Variants in CDC14B observed in about 807,000 individuals in gnomAD.
CDC14B encodes cell division cycle 14B.
CDC14B carries 22 observed loss-of-function variants against 64.2 expected under a neutral mutation model. The ratio of observed to expected loss-of-function variants is 0.34; its 90% CI spans 0.24 to 0.49. The LOEUF (loss-of-function observed/expected upper bound fraction) is 0.49, where lower values mean the gene tolerates loss of function less well. CDC14B is among the 20% of genes least tolerant of loss of function. The pLI is 0.99. For synonymous variants in CDC14B, 191 were observed against 215.8 expected, an observed-to-expected ratio of 0.89 and a Z score of 1.01; for missense variants, 498 against 629.9, an observed-to-expected ratio of 0.79 and a Z score of 2.24.
intron 6 of CDC14B, among the ~76,000 whole-genome samples, chr9:96,540,538 T>C (rs1419745380): frequency 6.6e-6 from 1 of 151,512 alleles, no homozygotes; most frequent in Non-Finnish European, 1.5e-5. Context: ...ACCCAAAATA[T>C]AGTATGCAAA....
chr9:96,510,487 G>A (rs1834763236), intron 12 of CDC14B, among the ~76,000 whole-genome samples: 1 of 151,050 alleles, frequency 6.6e-6, no homozygotes, highest in Non-Finnish European at 1.5e-5. Context: ...AACATCCTGA[G>A]ATAAAGGCCA....
At chr9:96,588,380 T>C (rs149582212) in intron 1 of CDC14B, among the ~76,000 whole-genome samples, 11 of 152,204 alleles carry the variant, frequency 7.2e-5, no homozygotes, top group Admixed American at 5.2e-4. Flanking sequence ...TAAGAGAAAT[T>C]TGCTTATACT....
intron 1 of CDC14B, among the ~76,000 whole-genome samples, chr9:96,606,527 TTGTGTGTGTGTGTGTGTGTGTGTGTG>T (rs376059971): frequency 4.2e-4 from 47 of 112,854 alleles, no homozygotes; most frequent in African/African-American, 1.5e-3. Context: ...TACTAAAAGT[TTGTGTGTGTGTGTGTGTGTGTGTGTG>T]TGTGTGTGTG....
rs1285706109 is a variant in CDC14B, at chr9:96,500,373, TTGATCAATAC to T, written c.*3370_*3379del. On this transcript the variant is annotated 3_prime_UTR_variant, in exon 14 of 14. Transcript: ENST00000375241. ...CTGTAAAAAAAAATCAAGACAATGA[TTGATCAATAC>T]TGATCAGTTACATTTTAAAACTTTT... 33 of 152,656 alleles carry T rather than the reference TTGATCAATAC, an allele frequency of 2.2e-4. 1 individual carries two copies. The highest frequency in any genetic ancestry group is 2.2e-3 in the Admixed American group (33 of 15,284). 9.5% of individuals were successfully genotyped at this position (152,656 alleles called of 1,614,324 possible). A position where few individuals can be genotyped will look rare whatever the true frequency, so the allele number is the denominator to read the frequency against.
At chr9:96,557,022 C>T (rs1042773528) in intron 4 of CDC14B, among the ~76,000 whole-genome samples, 2 of 152,204 alleles carry the variant, frequency 1.3e-5, no homozygotes, top group Non-Finnish European at 2.9e-5. Flanking sequence ...GAAAGCTTAA[C>T]GGATCTGCAG....
chr9:96,510,372 CT>C (rs1834747319), intron 12 of CDC14B, among the ~76,000 whole-genome samples: 1 of 152,074 alleles, frequency 6.6e-6, no homozygotes, highest in Non-Finnish European at 1.5e-5. Flanking sequence ...AGTGAAAACA[CT>C]TAAATTTTGT....
chr9:96,567,903 C>T (rs966308000), intron 1 of CDC14B, among the ~76,000 whole-genome samples: 14 of 152,236 alleles, frequency 9.2e-5, no homozygotes, highest in Admixed American at 2.0e-4. Flanking sequence ...GCATTGCCTG[C>T]CTGTATCAAA....
rs762557055 is a variant in CDC14B at position 96,565,412 on chromosome 9, T to C, written c.232A>G (p.Asn78Asp). ...ASNVHYFSID[N>D]ELEYENFYAD... The stretch of plus-strand genomic sequence containing the variant: ...ACTTACTTCTCATATTCAAGTTCAT[T>C]ATCTATGCTGAAATAATGTACATTT... The change falls in exon 2 of 14, where the codon AAT becomes GAT. Residue 78 changes from asparagine (N) to aspartate (D), a missense_variant. Asn to Asp is a conservative substitution (Grantham distance 23). Coordinates refer to ENST00000375241, the MANE Select transcript of CDC14B (RefSeq NM_033331.4). 1 of 1,603,060 alleles carries C rather than the reference T, an allele frequency of 6.2e-7. No homozygotes were observed. The highest frequency in any genetic ancestry group is 1.1e-5 in the South Asian group (1 of 90,746).
chr9:96,529,839 T>TC (rs1336452520), intron 9 of CDC14B, among the ~76,000 whole-genome samples: 22 of 152,224 alleles, frequency 1.4e-4, no homozygotes, highest in African/African-American at 5.3e-4. Flanking sequence ...ACCTTTTTAT[T>TC]CTTTCTCAAG....
intron 1 of CDC14B, among the ~76,000 whole-genome samples, chr9:96,583,642 C>T (rs1006894099): frequency 2.6e-5 from 4 of 151,894 alleles, no homozygotes; most frequent in Non-Finnish European, 4.4e-5. Flanking sequence ...GTGATCTGCC[C>T]GCCTCAGCCT....
At chr9:96,604,806 T>C (rs1846772614) in intron 1 of CDC14B, among the ~76,000 whole-genome samples, 1 of 152,072 alleles carries the variant, frequency 6.6e-6, no homozygotes, top group African/African-American at 2.4e-5. Context: ...GTAGCTGGGA[T>C]TATAGGCATG....
downstream of CDC14B, among the ~76,000 whole-genome samples, chr9:96,495,391 G>GC (rs71499002): frequency 0.21 from 29,910 of 139,932 alleles, 4,002 homozygotes; most frequent in South Asian, 0.5. Context: ...CATGTGTGCT[G>GC]CCCCCCCCCG....
At chr9:96,519,790 T>C (rs1208127902) in intron 12 of CDC14B, among the ~76,000 whole-genome samples, 2 of 149,758 alleles carry the variant, frequency 1.3e-5, no homozygotes, top group Admixed American at 6.7e-5. Flanking sequence ...TTATGTACTA[T>C]AACCTTCTCC....
At position 96,514,322 on chromosome 9, in the gene CDC14B, T is replaced by C. The variant is rs1251690198; in HGVS notation, c.1344-4533A>G. On this transcript the variant is annotated intron_variant, in intron 12 of 13. Transcript: ENST00000375241. ...GAACAGTTTGAGAAGAATAACTCTA[T>C]GTAGTGCATGATGCTCTTGAGTCAG... 6 of 581,196 alleles carry C rather than the reference T, an allele frequency of 1.0e-5. No individual in the cohort carries two copies. The African/African-American group carries it at 1.2e-4, about 12-fold the overall frequency. The allele number at this position is 581,196 out of a possible 1,614,324, so 36.0% of individuals were successfully genotyped here. A position where few individuals can be genotyped will look rare whatever the true frequency, so the allele number is the denominator to read the frequency against.
chr9:96,494,174 CTG>C (rs1370804430), intron 13 of CDC14B, among the ~76,000 whole-genome samples: 9 of 152,248 alleles, frequency 5.9e-5, no homozygotes, highest in Non-Finnish European at 1.3e-4. Flanking sequence ...AAGGTAGAAA[CTG>C]AAACCAGATT....
intron 1 of CDC14B, among the ~76,000 whole-genome samples, chr9:96,596,053 GT>G (rs997219589): frequency 2.6e-5 from 4 of 151,974 alleles, no homozygotes; most frequent in African/African-American, 7.2e-5. Context: ...AATTAGAGCT[GT>G]TATTTAAAAA....
At chr9:96,581,965 C>T (rs1272281482) in intron 1 of CDC14B, among the ~76,000 whole-genome samples, 1 of 152,154 alleles carries the variant, frequency 6.6e-6, no homozygotes, top group African/African-American at 2.4e-5. Context: ...CTAGTTTATC[C>T]CCTGCAGCCC....
intron 5 of CDC14B, among the ~76,000 whole-genome samples, chr9:96,545,998 G>A (rs1011984339): frequency 6.6e-6 from 1 of 152,118 alleles, no homozygotes; most frequent in African/African-American, 2.4e-5. Flanking sequence ...AGGGATCCTT[G>A]TCACCAAGAT....
At chr9:96,591,491 A>C (rs183395204) in intron 1 of CDC14B, among the ~76,000 whole-genome samples, 2 of 152,198 alleles carry the variant, frequency 1.3e-5, no homozygotes, top group Non-Finnish European at 2.9e-5. Context: ...TTTGTAATAT[A>C]TTCTGAAATC....
Sources: gnomAD v4.1 joint callset for allele counts (sites outside exome capture counted in the v4.1 genomes callset) on GRCh38, gnomAD v4.1.1 for gene constraint, MANE v1.5 for transcripts, NCBI Gene and HGNC (gene_info 2026-07-23, HGNC 2026-07-21) for gene names.